Variants in TNIK observed in about 807,000 individuals in gnomAD.
The protein encoded by TNIK is TRAF2 and NCK interacting kinase.
A neutral mutation model predicts 191.3 loss-of-function variants in TNIK; 49 were observed. The observed-to-expected ratio is 0.26, with a 90% CI of 0.20 to 0.32. The LOEUF (loss-of-function observed/expected upper bound fraction) is 0.32, where lower values mean the gene tolerates loss of function less well. TNIK is among the 10% of genes least tolerant of loss of function. The pLI is 1.00. For synonymous variants in TNIK, 594 were observed against 600.9 expected, an observed-to-expected ratio of 0.99 and a Z score of 0.17; for missense variants, 1,155 against 1,702.3, an observed-to-expected ratio of 0.68 and a Z score of 5.66.
chr3:171,223,691 G>C (rs1462868315), intron 3 of TNIK, among the ~76,000 whole-genome samples: 1 of 152,052 alleles, frequency 6.6e-6, no homozygotes, highest in Non-Finnish European at 1.5e-5. Context: ...AGGATCAAAT[G>C]AATTAATATA....
At chr3:171,080,324 A>C (rs1388544609) in intron 27 of TNIK, among the ~76,000 whole-genome samples, 3 of 152,232 alleles carry the variant, frequency 2.0e-5, no homozygotes. Flanking sequence ...ACCAGATAAA[A>C]TGTCCATTGG....
At position 171,058,912 on chromosome 3, in the gene TNIK, C is replaced by T. The variant is rs1422069431; in HGVS notation, c.*4969G>A. Among the ~76,000 whole-genome samples the T allele has an allele frequency of 6.6e-6, 1 of 152,182 alleles. No individual in the cohort carries two copies. The highest frequency in any genetic ancestry group is 6.5e-5 in the Admixed American group (1 of 15,276). On this transcript the variant is annotated 3_prime_UTR_variant, in exon 33 of 33. Transcript: ENST00000436636. ...CCACCTAACATTTGAAGTTTTGATT[C>T]AGGGTAATGTCCAAGGTTTCTTAAA... is the stretch of plus-strand genomic sequence containing the variant.
intron 23 of TNIK, among the ~76,000 whole-genome samples, chr3:171,088,887 T>A (rs965904244): frequency 2.6e-5 from 4 of 152,200 alleles, no homozygotes; most frequent in African/African-American, 9.7e-5. Flanking sequence ...ATCAACACAG[T>A]ATTTTTTAGT....
chr3:171,372,936 G>C (rs1401765897), intron 1 of TNIK, among the ~76,000 whole-genome samples: 2 of 152,124 alleles, frequency 1.3e-5, no homozygotes, highest in Non-Finnish European at 2.9e-5. Context: ...TTGCAAGGAG[G>C]GGGCTCTTTG....
At chr3:171,106,123 GAAGACCAGATACATGGAAA>G (rs1724830140) in intron 21 of TNIK, among the ~76,000 whole-genome samples, 15 of 152,292 alleles carry the variant, frequency 9.8e-5, no homozygotes, top group Admixed American at 9.2e-4. Flanking sequence ...GCTCTTCGGT[GAAGACCAGATACATGGAAA>G]CATGCTTCTC....
intron 1 of TNIK, among the ~76,000 whole-genome samples, chr3:171,377,564 C>A (rs1717434466): frequency 6.6e-6 from 1 of 152,194 alleles, no homozygotes; most frequent in South Asian, 2.1e-4. Context: ...GCTTTTCATA[C>A]ATTTTCATAT....
rs113692698 is a variant in TNIK, at chr3:171,128,439, T to C, written c.1773+275A>G. Among the ~76,000 whole-genome samples the C allele has an allele frequency of 9.8e-4, 150 of 152,338 alleles. 1 individual carries two copies. Among genetic ancestry groups the C allele is most frequent in the African/African-American group, 3.6e-3 (148 of 41,584 alleles). On this transcript the variant is annotated intron_variant, in intron 16 of 32. Transcript: ENST00000436636. The stretch of plus-strand genomic sequence containing the variant: ...ATTGCAACTAAAAGAATGCTTGTTC[T>C]CACCTTGCAGGAACTCCTATGGGTC...
intron 2 of TNIK, among the ~76,000 whole-genome samples, chr3:171,260,060 T>C (rs1009658504): frequency 3.0e-4 from 46 of 152,078 alleles, no homozygotes; most frequent in African/African-American, 1.1e-3. Context: ...CCACCTATCC[T>C]CAATAGCTGA....
At chr3:171,065,857 T>G (rs548999076) in intron 32 of TNIK, among the ~76,000 whole-genome samples, 58 of 152,364 alleles carry the variant, frequency 3.8e-4, no homozygotes, top group African/African-American at 1.2e-3. Context: ...AAGTATAAAG[T>G]TGACCCACTG....
At chr3:171,313,243 T>G (rs181384124) in intron 2 of TNIK, among the ~76,000 whole-genome samples, 29 of 44,520 alleles carry the variant, frequency 6.5e-4, no homozygotes, top group East Asian at 6.5e-3. Context: ...CATTTAGCTT[T>G]CTTTCTTTCT....
At chr3:171,383,654 T>A (rs1403048925) in intron 1 of TNIK, among the ~76,000 whole-genome samples, 1 of 152,156 alleles carries the variant, frequency 6.6e-6, no homozygotes, top group Non-Finnish European at 1.5e-5. Flanking sequence ...AAAAAAAAAT[T>A]TGGAAAGGGA....
chr3:171,235,733 G>T (rs966993749), intron 2 of TNIK, among the ~76,000 whole-genome samples: 5 of 145,860 alleles, frequency 3.4e-5, no homozygotes, highest in African/African-American at 1.3e-4. Flanking sequence ...ATATGTTTTT[G>T]TTGTTGTTGT....
At chr3:171,218,978 T>C (rs2108946757) in intron 3 of TNIK, among the ~76,000 whole-genome samples, 1 of 129,360 alleles carries the variant, frequency 7.7e-6, no homozygotes, top group Admixed American at 8.6e-5. Context: ...TATATTTATA[T>C]TTATATTAAA....
chr3:171,323,050 G>T (rs1287089829), intron 2 of TNIK, among the ~76,000 whole-genome samples: 2 of 147,350 alleles, frequency 1.4e-5, no homozygotes, highest in African/African-American at 2.5e-5. Flanking sequence ...AGTTTAATTG[G>T]AACACAGCCA....
intron 16 of TNIK, among the ~76,000 whole-genome samples, chr3:171,127,574 T>C (rs1172169122): frequency 6.6e-6 from 1 of 152,212 alleles, no homozygotes; most frequent in Admixed American, 6.5e-5. Flanking sequence ...TCTCCCCTTT[T>C]AAAGGCCAAA....
intron 1 of TNIK, among the ~76,000 whole-genome samples, chr3:171,440,898 T>C (rs1726720049): frequency 6.6e-6 from 1 of 152,150 alleles, no homozygotes; most frequent in African/African-American, 2.4e-5. Flanking sequence ...TAGACAGGAA[T>C]AGCTCTCCCA....
chr3:171,251,844 A>G (rs1446950759), intron 2 of TNIK, among the ~76,000 whole-genome samples: 1 of 152,192 alleles, frequency 6.6e-6, no homozygotes, highest in African/African-American at 2.4e-5. Flanking sequence ...TTTTACATTT[A>G]ATATCATTCT....
intron 2 of TNIK, among the ~76,000 whole-genome samples, chr3:171,286,438 C>A (rs574706908): frequency 6.6e-6 from 1 of 152,276 alleles, no homozygotes; most frequent in African/African-American, 2.4e-5. Context: ...ATATATTGTA[C>A]AGCCTGGGCA....
chr3:171,264,437 C>A (rs1449810043), intron 2 of TNIK, among the ~76,000 whole-genome samples: 1 of 152,046 alleles, frequency 6.6e-6, no homozygotes, highest in Non-Finnish European at 1.5e-5. Context: ...TCACCTCAAC[C>A]TTCGCCTCCT....
Sources: gnomAD v4.1 joint callset for allele counts (sites outside exome capture counted in the v4.1 genomes callset) on GRCh38, gnomAD v4.1.1 for gene constraint, MANE v1.5 for transcripts, NCBI Gene and HGNC (gene_info 2026-07-23, HGNC 2026-07-21) for gene names.